TAF7: variants seen among roughly 807,000 people sequenced by gnomAD.
TAF7 encodes the protein TATA-box binding protein associated factor 7.
TAF7 carries 9 observed loss-of-function variants against 25.3 expected under a neutral mutation model. The observed-to-expected ratio is 0.36, with a 90% CI of 0.21 to 0.62. The LOEUF is 0.62. Ranked by LOEUF, TAF7 falls within the 20% of genes least tolerant of loss-of-function variation. The pLI is 0.72. For synonymous variants in TAF7, 127 were observed against 146.7 expected (o/e 0.87, Z 0.97); for missense variants, 311 against 410.6 (o/e 0.76, Z 2.10).
In TAF7 at chr5:141,318,838, T is replaced by A. The variant is rs1292116619; in HGVS notation, c.*157A>T. On this transcript the variant is annotated 3_prime_UTR_variant, in exon 1 of 1. Coordinates refer to ENST00000313368, the MANE Select transcript of TAF7 (RefSeq NM_005642.3). The stretch of plus-strand genomic sequence containing the variant: ...GAACACCTAGCAAAACAATATAAAT[T>A]TGCTGAAAAACAAAATTACAAACAA... 1.5e-6 allele frequency: 1 copy of A among 657,772 alleles called. No homozygotes were observed. The allele number at this position is 657,772 out of a possible 1,614,324, so 40.7% of individuals were successfully genotyped here.
chr5:141,319,520 T>C lies in TAF7; in HGVS notation c.525A>G (p.Glu175=), dbSNP rs546982825. The change falls in exon 1 of 1, where the codon GAA becomes GAG. Residue 175 remains glutamate (E), a synonymous_variant. Coordinates refer to ENST00000313368, the MANE Select transcript of TAF7 (RefSeq NM_005642.3). The surrounding 1 kb of genome is among the most constrained non-coding windows in gnomAD (Gnocchi z 5.3). ...EVKRLLSTDA[E]AVSTRWEIIA... is the part of the protein sequence containing the mutation. ...TTATTTCCCACCGAGTACTAACAGCTTCAGCATCTGTACTCAGCAATCGTT... is the reference window on the plus strand; with the variant it reads ...TTATTTCCCACCGAGTACTAACAGCCTCAGCATCTGTACTCAGCAATCGTT... 6.2e-7 allele frequency: 1 copy of C among 1,614,214 alleles called. No individual in the cohort carries two copies. The highest frequency in any genetic ancestry group is 1.3e-5 in the African/African-American group (1 of 75,064).
chr5:141,320,270 G>C lies in TAF7; in HGVS notation c.-226C>G. The C allele has an allele frequency of 1.8e-6, 1 of 546,130 alleles. No homozygotes were observed. Among genetic ancestry groups the C allele is most frequent in the South Asian group, 2.4e-5 (1 of 41,382 alleles). The allele number at this position is 546,130 out of a possible 1,614,324, so 33.8% of individuals were successfully genotyped here. A position where few individuals can be genotyped will look rare whatever the true frequency, so the allele number is the denominator to read the frequency against. ...CCGAATACCAGTCGTTAACACAAAGGCTTATTCACAGACTTAAGTTCATTA... is the reference window on the plus strand; with the variant it reads ...CCGAATACCAGTCGTTAACACAAAGCCTTATTCACAGACTTAAGTTCATTA... On this transcript the variant is annotated 5_prime_UTR_variant, in exon 1 of 1. Transcript: ENST00000313368.
rs572802119 is a variant in TAF7 at position 141,320,736 on chromosome 5, C to T, written c.-692G>A. The T allele has an allele frequency of 6.0e-6, 1 of 167,208 alleles. No homozygotes were observed. Among genetic ancestry groups the T allele is most frequent in the Non-Finnish European group, 1.5e-5 (1 of 68,180 alleles). 10.4% of individuals were successfully genotyped at this position (167,208 alleles called of 1,614,324 possible). The stretch of plus-strand genomic sequence containing the variant: ...GCGCAGCTCGCATCACCAGACCCCG[C>T]ACCTCGCCGGCCCTCCGTCCGGGTC... On this transcript the variant is annotated 5_prime_UTR_variant, in exon 1 of 1. Transcript: ENST00000313368.
At position 141,319,680 on chromosome 5, in the gene TAF7, T is replaced by C. The variant is rs759403497; in HGVS notation, c.365A>G (p.Lys122Arg). The change falls in exon 1 of 1, where the codon AAG becomes AGG. Residue 122 changes from lysine to arginine, a missense_variant. Lys to Arg is a conservative substitution (Grantham distance 26, BLOSUM62 2). Coordinates refer to ENST00000313368, the MANE Select transcript of TAF7 (RefSeq NM_005642.3). This position sits in a 1 kb window ranked among gnomAD's most constrained non-coding sequence, Gnocchi z 5.3. ...AAACTTTTTCTCTTTGTCCTTATCC[T>C]TTTTCTTGCTTGCTTTAGGATCAGT... is the stretch of plus-strand genomic sequence containing the variant. Reference protein sequence around the residue: ...ASTDPKASKKKDKDKEKKFIW... With the variant: ...ASTDPKASKKRDKDKEKKFIW... 22 of 1,614,130 alleles carry C rather than the reference T, an allele frequency of 1.4e-5. No homozygotes were observed. Among genetic ancestry groups the C allele is most frequent in the Non-Finnish European group, 1.9e-5 (22 of 1,180,026 alleles).
chr5:141,319,214 C>T lies in TAF7; in HGVS notation c.831G>A (p.Leu277=), dbSNP rs769047000. The T allele has an allele frequency of 1.5e-5, 24 of 1,614,058 alleles. No homozygotes were observed. The highest frequency in any genetic ancestry group is 2.0e-5 in the Non-Finnish European group (24 of 1,180,028). ...QHQENEGTNQ[L]VMGIQKQIDN... ...CAATCTGCTTCTGAATTCCCATAAC[C>T]AGCTGATTGGTTCCTTCATTTTCCT... The change falls in exon 1 of 1, where the codon CTG becomes CTA. Residue 277 remains leucine (L), a synonymous_variant. Transcript: ENST00000313368. The surrounding 1 kb of genome is among the most constrained non-coding windows in gnomAD (Gnocchi z 5.3).
In TAF7 at chr5:141,320,622, C is replaced by G. The variant is rs1756146857; in HGVS notation, c.-578G>C. ...GAGCCGAGCGTCTCCTTGTCGTTTC[C>G]TTAATTCTTCCTGCCGCTTGGCAGA... On this transcript the variant is annotated 5_prime_UTR_variant, in exon 1 of 1. Transcript: ENST00000313368. 3 of 167,398 alleles carry G rather than the reference C, an allele frequency of 1.8e-5. No individual in the cohort carries two copies. In the South Asian group the frequency reaches 6.2e-4, roughly 35 times the overall value. 10.4% of individuals were successfully genotyped at this position (167,398 alleles called of 1,614,324 possible).
Position 141,319,882 on chromosome 5 carries a change from T to C in TAF7, c.163A>G (p.Ile55Val). 1 of 1,614,158 alleles carries C rather than the reference T, an allele frequency of 6.2e-7. No individual in the cohort carries two copies. The highest frequency in any genetic ancestry group is 2.2e-5 in the East Asian group (1 of 44,882). ...IELHPDGRHG[I>V]VRVDRVPLAS... ...AATGGAACACGGTCCACTCTGACGA[T>C]TCCATGACGCCCATCAGGATGTAAC... The change falls in exon 1 of 1, where the codon ATC becomes GTC. Residue 55 changes from isoleucine (I) to valine (V), a missense_variant. By Grantham distance (29) the Ile-to-Val change is conservative. Around this residue, in one of 3 missense-constraint regions of TAF7, gnomAD observed 119 missense variants for 159.3 expected, o/e 0.75. Coordinates refer to ENST00000313368, the MANE Select transcript of TAF7 (RefSeq NM_005642.3). The surrounding 1 kb of genome is among the most constrained non-coding windows in gnomAD (Gnocchi z 5.3).
At position 141,319,689 on chromosome 5, in the gene TAF7, C is replaced by T. The variant is rs1756128247; in HGVS notation, c.356G>A (p.Ser119Asn). The T allele has an allele frequency of 6.2e-7, 1 of 1,614,084 alleles. No individual in the cohort carries two copies. Among genetic ancestry groups the T allele is most frequent in the Non-Finnish European group, 8.5e-7 (1 of 1,180,022 alleles). Residue 119 changes from serine (S) to asparagine (N), a missense_variant, in exon 1 of 1, where the codon AGC becomes AAC. Physicochemically the swap from Ser to Asn is conservative, Grantham distance 46 (BLOSUM62 1). Around this residue, in one of 3 missense-constraint regions of TAF7, gnomAD observed 119 missense variants for 159.3 expected, o/e 0.75. Transcript: ENST00000313368. The surrounding 1 kb of genome is among the most constrained non-coding windows in gnomAD (Gnocchi z 5.3). Reference sequence around the variant, plus strand: ...CTCTTTGTCCTTATCCTTTTTCTTGCTTGCTTTAGGATCAGTGCTAGCAAC... The same window carrying T: ...CTCTTTGTCCTTATCCTTTTTCTTGTTTGCTTTAGGATCAGTGCTAGCAAC... ...EPVASTDPKA[S>N]KKKDKDKEKK...
Position 141,319,299 on chromosome 5 carries a change from G to A in TAF7, c.746C>T (p.Thr249Met). Residue 249 changes from threonine (T) to methionine (M), a missense_variant, in exon 1 of 1, where the codon ACG becomes ATG. Transcript: ENST00000313368. The surrounding 1 kb of genome is among the most constrained non-coding windows in gnomAD (Gnocchi z 5.3). ...QDEEDINIID[T>M]EEDLERQLQD... is the part of the protein sequence containing the mutation. The stretch of plus-strand genomic sequence containing the variant: ...TAGCTGTCTCTCCAGATCTTCCTCC[G>A]TGTCAATGATGTTTATATCTTCTTC... 2 of 1,613,770 alleles carry A rather than the reference G, an allele frequency of 1.2e-6. No homozygotes were observed. Among genetic ancestry groups the A allele is most frequent in the Non-Finnish European group, 1.7e-6 (2 of 1,180,000 alleles).
In TAF7 at chr5:141,319,100, CT is replaced by C; in HGVS notation, c.944del (p.Lys315ArgfsTer29). The stretch of plus-strand genomic sequence containing the variant: ...CATCCAGTACAGCCTGAAATCTGTT[CT>C]TGAGAGCCAGATTTTCCACTTTCAT... ...LIMKVENLAL[K>X]NRFQAVLDEL... On this transcript the variant is annotated frameshift_variant, in exon 1 of 1. Transcript: ENST00000313368. LOFTEE classifies it high-confidence loss of function. This position sits in a 1 kb window ranked among gnomAD's most constrained non-coding sequence, Gnocchi z 5.3. The C allele has an allele frequency of 1.9e-6, 3 of 1,614,136 alleles. No homozygotes were observed. Among genetic ancestry groups the C allele is most frequent in the Non-Finnish European group, 2.5e-6 (3 of 1,180,010 alleles).
Position 141,318,986 on chromosome 5 carries a change from C to T in TAF7, c.*9G>A, listed in dbSNP as rs774096454. 8 of 1,568,812 alleles carry T rather than the reference C, an allele frequency of 5.1e-6. No individual in the cohort carries two copies. In the Admixed American group the frequency reaches 1.0e-4, roughly 20 times the overall value. On this transcript the variant is annotated 3_prime_UTR_variant, in exon 1 of 1. Coordinates refer to ENST00000313368, the MANE Select transcript of TAF7 (RefSeq NM_005642.3). ...CAGTCTGAAGACTGAAATTAAATAT[C>T]AGTTCTTTTTACTTCTCTAGGAGTG...
In TAF7 at chr5:141,319,465, T is replaced by C. The variant is rs201151523; in HGVS notation, c.580A>G (p.Asn194Asp). 1.2e-6 allele frequency: 2 copies of C among 1,614,182 alleles called. No homozygotes were observed. Among genetic ancestry groups the C allele is most frequent in the African/African-American group, 1.3e-5 (1 of 75,046 alleles). The part of the protein sequence containing the change: ...IAEDETKEAE[N>D]QGLDISSPGM... ...GGAGAAGAGATATCCAGGCCTTGAT[T>C]TTCTGCCTCCTTTGTTTCATCTTCG... is the stretch of plus-strand genomic sequence containing the variant. Residue 194 changes from asparagine (N) to aspartate (D), a missense_variant, in exon 1 of 1, where the codon AAT (asparagine) becomes GAT (aspartate). Physicochemically the swap from Asn to Asp is conservative, Grantham distance 23 (BLOSUM62 1). This residue lies in a region of TAF7 where 179 missense variants were observed against 206.7 expected (regional missense o/e 0.87). Coordinates refer to ENST00000313368, the MANE Select transcript of TAF7 (RefSeq NM_005642.3). This position sits in a 1 kb window ranked among gnomAD's most constrained non-coding sequence, Gnocchi z 5.3.
chr5:141,319,664 C>A lies in TAF7; in HGVS notation c.381G>T (p.Glu127Asp). 1 of 1,614,168 alleles carries A rather than the reference C, an allele frequency of 6.2e-7. No individual in the cohort carries two copies. Among genetic ancestry groups the A allele is most frequent in the Non-Finnish European group, 8.5e-7 (1 of 1,180,042 alleles). Residue 127 changes from glutamate (E) to aspartate (D), a missense_variant, in exon 1 of 1, where the codon GAG (glutamate) becomes GAT (aspartate). Physicochemically the swap from Glu to Asp is conservative, Grantham distance 45 (BLOSUM62 2). Around this residue, in one of 3 missense-constraint regions of TAF7, gnomAD observed 119 missense variants for 159.3 expected, o/e 0.75. Coordinates refer to ENST00000313368, the MANE Select transcript of TAF7 (RefSeq NM_005642.3). This position sits in a 1 kb window ranked among gnomAD's most constrained non-coding sequence, Gnocchi z 5.3. ...KASKKKDKDKEKKFIWNHGIT... is the reference protein window; with the variant it reads ...KASKKKDKDKDKKFIWNHGIT... ...TTCCGTGGTTCCAGATAAACTTTTT[C>A]TCTTTGTCCTTATCCTTTTTCTTGC...
rs1327739568 is a variant in TAF7, at chr5:141,319,399, G to C, written c.646C>G (p.His216Asp). ...GHRQGHDSLE[H>D]DELREIFNDL... ...TTGAATATCTCCCGAAGCTCATCAT[G>C]TTCTAATGAGTCATGGCCCTGCCTG... is the stretch of plus-strand genomic sequence containing the variant. The change falls in exon 1 of 1, where the codon CAT (histidine) becomes GAT (aspartate). Residue 216 changes from histidine to aspartate, a missense_variant. Transcript: ENST00000313368. This position sits in a 1 kb window ranked among gnomAD's most constrained non-coding sequence, Gnocchi z 5.3. The C allele has an allele frequency of 6.2e-7, 1 of 1,613,986 alleles. No individual in the cohort carries two copies. The highest frequency in any genetic ancestry group is 8.5e-7 in the Non-Finnish European group (1 of 1,180,026).
rs11547633 is a variant in TAF7 at position 141,320,273 on chromosome 5, T to G, written c.-229A>C. On this transcript the variant is annotated 5_prime_UTR_variant, in exon 1 of 1. Coordinates refer to ENST00000313368, the MANE Select transcript of TAF7 (RefSeq NM_005642.3). Reference sequence around the variant, plus strand: ...AATACCAGTCGTTAACACAAAGGCTTATTCACAGACTTAAGTTCATTAAAT... The same window carrying G: ...AATACCAGTCGTTAACACAAAGGCTGATTCACAGACTTAAGTTCATTAAAT... 25,852 of 539,222 alleles carry G rather than the reference T, an allele frequency of 0.048. 705 individuals are homozygous for G. The highest frequency in any genetic ancestry group is 0.084 in the Middle Eastern group (168 of 2,004). 33.4% of individuals were successfully genotyped at this position (539,222 alleles called of 1,614,324 possible).
chr5:141,319,572 T>C lies in TAF7; in HGVS notation c.473A>G (p.Glu158Gly). 3 of 1,614,090 alleles carry C rather than the reference T, an allele frequency of 1.9e-6. No homozygotes were observed. The highest frequency in any genetic ancestry group is 2.5e-6 in the Non-Finnish European group (3 of 1,180,028). Reference sequence around the variant, plus strand: ...CACTTCTTTTTCAACATCTGGAGATTCAATATATTTCTTCTTTGCTGTCTT... The same window carrying C: ...CACTTCTTTTTCAACATCTGGAGATCCAATATATTTCTTCTTTGCTGTCTT... The part of the protein sequence containing the change: ...FRKTAKKKYI[E>G]SPDVEKEVKR... The change falls in exon 1 of 1, where the codon GAA becomes GGA. Residue 158 changes from glutamate to glycine, a missense_variant. Physicochemically the swap from Glu to Gly is moderately conservative, Grantham distance 98. This residue lies in a region of TAF7 where 13 missense variants were observed against 44.6 expected (regional missense o/e 0.29). Transcript: ENST00000313368. This position sits in a 1 kb window ranked among gnomAD's most constrained non-coding sequence, Gnocchi z 5.3.
rs1055845975 is a variant in TAF7 at position 141,318,874 on chromosome 5, T to G, written c.*121A>C. The G allele has an allele frequency of 1.0e-5, 9 of 865,792 alleles. No individual in the cohort carries two copies. The Admixed American group carries it at 1.7e-4, about 17-fold the overall frequency. 53.6% of individuals were successfully genotyped at this position (865,792 alleles called of 1,614,324 possible). ...CAAAATTACAAACAAATGAAAGAAC[T>G]TAACAGAACACACAGCATTAAAAGG... On this transcript the variant is annotated 3_prime_UTR_variant, in exon 1 of 1. Coordinates refer to ENST00000313368, the MANE Select transcript of TAF7 (RefSeq NM_005642.3).
Position 141,319,352 on chromosome 5 carries a change from C to G in TAF7, c.693G>C (p.Glu231Asp). 6.2e-7 allele frequency: 1 copy of G among 1,614,096 alleles called. No individual in the cohort carries two copies. Among genetic ancestry groups the G allele is most frequent in the Non-Finnish European group, 8.5e-7 (1 of 1,180,028 alleles). Reference sequence around the variant, plus strand: ...CTTGATGCTGGGTCTCATCTTCATCCTCACTGCTGCTGCTGAGGTCATTGA... The same window carrying G: ...CTTGATGCTGGGTCTCATCTTCATCGTCACTGCTGCTGCTGAGGTCATTGA... ...EIFNDLSSSSEDEDETQHQDE... is the reference protein window; with the variant it reads ...EIFNDLSSSSDDEDETQHQDE... Residue 231 changes from glutamate to aspartate, a missense_variant, in exon 1 of 1, where the codon GAG becomes GAC. By Grantham distance (45) the Glu-to-Asp change is conservative (BLOSUM62 2). This residue lies in a region of TAF7 where 179 missense variants were observed against 206.7 expected (regional missense o/e 0.87). Coordinates refer to ENST00000313368, the MANE Select transcript of TAF7 (RefSeq NM_005642.3). The surrounding 1 kb of genome is among the most constrained non-coding windows in gnomAD (Gnocchi z 5.3).
At position 141,320,762 on chromosome 5, in the gene TAF7, G is replaced by T. The variant is rs575278324; in HGVS notation, c.-718C>A. Reference sequence around the variant, plus strand: ...ACCTCGCCGGCCCTCCGTCCGGGTCGCCTACCCAGCAAAAACGGAAGTGCT... The same window carrying T: ...ACCTCGCCGGCCCTCCGTCCGGGTCTCCTACCCAGCAAAAACGGAAGTGCT... On this transcript the variant is annotated 5_prime_UTR_variant, in exon 1 of 1. Transcript: ENST00000313368. 57 of 167,260 alleles carry T rather than the reference G, an allele frequency of 3.4e-4. No homozygotes were observed. The highest frequency in any genetic ancestry group is 1.3e-3 in the African/African-American group (54 of 41,602). 10.4% of individuals were successfully genotyped at this position (167,260 alleles called of 1,614,324 possible). A position where few individuals can be genotyped will look rare whatever the true frequency, so the allele number is the denominator to read the frequency against.
Sources: gnomAD v4.1 joint callset for allele counts on GRCh38, gnomAD v4.1.1 for gene constraint, gnomAD v4.1.1 regional missense constraint, Gnocchi (gnomAD v3.1) non-coding constraint, MANE v1.5 for transcripts, NCBI Gene and HGNC (gene_info 2026-07-23, HGNC 2026-07-21) for gene names.